Variants in OLAH observed in about 807,000 individuals in gnomAD.
The protein encoded by OLAH is oleoyl-ACP hydrolase, also known as S-acyl fatty acid synthase thioesterase, medium chain.
In OLAH, 33 loss-of-function variants were observed where a neutral mutation model predicts 27.8. The ratio of observed to expected loss-of-function variants is 1.19; its 90% CI spans 0.90 to 1.59. The LOEUF is 1.59. Among genes scored for constraint, OLAH ranks in the 40% most tolerant of loss-of-function variants. The pLI, the probability that OLAH is intolerant of heterozygous loss-of-function variation, is 0.00. For synonymous variants in OLAH, 120 were observed against 102.9 expected, an observed-to-expected ratio of 1.17 and a Z score of -1.01; for missense variants, 359 against 310.8, an observed-to-expected ratio of 1.16 and a Z score of -1.17.
At chr10:15,049,606 T>C (rs1264098008) in intron 2 of OLAH, 29 bp from the exon 3 acceptor site, 1 of 1,452,930 alleles carries the variant, frequency 6.9e-7, no homozygotes, top group Admixed American at 2.2e-5. Context: ...ATATACATAA[T>C]GTTAAATATA....
chr10:15,034,199 C>T (rs768798782), intron 1 of OLAH, among the ~76,000 whole-genome samples: 63 of 151,680 alleles, frequency 4.2e-4, no homozygotes, highest in Non-Finnish European at 8.2e-4. Flanking sequence ...CTGCAACCTC[C>T]GCCTCCCAGG....
chr10:15,045,762 G>A (rs1844004968), intron 1 of OLAH, among the ~76,000 whole-genome samples: 1 of 152,118 alleles, frequency 6.6e-6, no homozygotes. Context: ...GATCCAAGGA[G>A]CTCCTAGGAA....
intron 1 of OLAH, among the ~76,000 whole-genome samples, chr10:15,033,512 A>T (rs879888283): frequency 6.6e-6 from 1 of 152,072 alleles, no homozygotes; most frequent in Non-Finnish European, 1.5e-5. Context: ...GGAGGAGAAG[A>T]AAAAAGAAGA....
intron 3 of OLAH, among the ~76,000 whole-genome samples, chr10:15,054,084 GCT>G: frequency 6.8e-6 from 1 of 147,888 alleles, no homozygotes; most frequent in Non-Finnish European, 1.5e-5. Flanking sequence ...TGTCACCCAG[GCT>G]GAAGTTCAGT....
At chr10:15,045,622 G>A (rs1022582674) in intron 1 of OLAH, among the ~76,000 whole-genome samples, 20 of 152,092 alleles carry the variant, frequency 1.3e-4, no homozygotes, top group African/African-American at 4.8e-4. Flanking sequence ...ACATCTTTCT[G>A]TTCCTAAAAA....
chr10:15,040,153 A>T (rs1018065017), upstream of OLAH, among the ~76,000 whole-genome samples: 4 of 152,134 alleles, frequency 2.6e-5, no homozygotes, highest in African/African-American at 9.7e-5. Context: ...CAGAAAGTGG[A>T]GCCCTCTCCT....
chr10:15,037,123 C>T (rs1189057836), intron 1 of OLAH, among the ~76,000 whole-genome samples: 2 of 150,706 alleles, frequency 1.3e-5, no homozygotes, highest in South Asian at 2.1e-4. Flanking sequence ...GTCTTGAAAT[C>T]GGCTGGAGCA....
intron 3 of OLAH, 30 bp from the exon 4 acceptor site, chr10:15,061,694 G>A (rs757154534): frequency 8.3e-6 from 13 of 1,569,896 alleles, no homozygotes; most frequent in South Asian, 1.2e-5. Flanking sequence ...CACTGTCTGT[G>A]CGTGTTCACT....
In OLAH at chr10:15,065,713, C is replaced by A; in HGVS notation, c.532C>A (p.Pro178Thr). Residue 178 changes from proline to threonine, a missense_variant, in exon 6 of 8, where the codon CCC (proline) becomes ACC (threonine). Transcript: ENST00000378228. ...CAAGGAATTTGTGAAACAATGTAGTCCCATCATAAGGGCAGATCTGAACAT... is the reference window on the plus strand; with the variant it reads ...CAAGGAATTTGTGAAACAATGTAGTACCATCATAAGGGCAGATCTGAACAT... ...EAKEFVKQCS[P>T]IIRADLNIVR... The A allele has an allele frequency of 6.2e-7, 1 of 1,613,860 alleles. No homozygotes were observed. The highest frequency in any genetic ancestry group is 8.5e-7 in the Non-Finnish European group (1 of 1,179,932).
intron 3 of OLAH, among the ~76,000 whole-genome samples, chr10:15,059,107 C>T (rs1401962964): frequency 2.0e-5 from 1 of 50,338 alleles, no homozygotes; most frequent in African/African-American, 7.6e-5. Flanking sequence ...CTCCCTCTCT[C>T]CTTCCCTCCC....
chr10:15,052,867 T>C (rs1844173586), intron 3 of OLAH, among the ~76,000 whole-genome samples: 2 of 151,492 alleles, frequency 1.3e-5, no homozygotes, highest in African/African-American at 4.8e-5. Flanking sequence ...CTCAGCCTCC[T>C]GAGTAGTTGG....
At chr10:15,067,941 G>C (rs1412401828) in intron 6 of OLAH, 1 of 152,178 alleles carries the variant, frequency 6.6e-6, no homozygotes, top group African/African-American at 2.4e-5. Context: ...TATTGTTACT[G>C]TTCCTCCTCT....
intron 5 of OLAH, 144 bp from the exon 6 acceptor site, chr10:15,065,440 T>C (rs1564534170): frequency 1.3e-6 from 1 of 778,714 alleles, no homozygotes; most frequent in East Asian, 2.8e-5. Flanking sequence ...CAAAACGACA[T>C]AGTTCTTTCC....
intron 6 of OLAH, among the ~76,000 whole-genome samples, chr10:15,069,116 T>G (rs1257129064): frequency 6.6e-6 from 1 of 152,150 alleles, no homozygotes; most frequent in Non-Finnish European, 1.5e-5. Context: ...GACATCTAGA[T>G]AGTCTGAAGC....
chr10:15,057,510 C>T (rs909913483), intron 3 of OLAH, among the ~76,000 whole-genome samples: 4 of 151,470 alleles, frequency 2.6e-5, no homozygotes, highest in Middle Eastern at 3.4e-3. Flanking sequence ...CACAGCCTTC[C>T]GAGTAGCTGT....
At chr10:15,038,786 A>G (rs1467136626) in intron 1 of OLAH, 1 of 152,226 alleles carries the variant, frequency 6.6e-6, no homozygotes, top group Non-Finnish European at 1.5e-5. Context: ...CAGGGGAAAC[A>G]GCAGGGACGT....
intron 2 of OLAH, among the ~76,000 whole-genome samples, chr10:15,049,150 T>G (rs1428731538): frequency 7.1e-6 from 1 of 140,984 alleles, no homozygotes; most frequent in Non-Finnish European, 1.5e-5. Context: ...AAAAAAAAAT[T>G]AGAGGCAAGA....
intron 3 of OLAH, among the ~76,000 whole-genome samples, chr10:15,058,797 C>G (rs1436304346): frequency 6.6e-6 from 1 of 152,054 alleles, no homozygotes; most frequent in Non-Finnish European, 1.5e-5. Flanking sequence ...TTTTATGTGT[C>G]TAAAAAGTCT....
intron 1 of OLAH, among the ~76,000 whole-genome samples, chr10:15,036,453 C>T (rs774208708): frequency 7.2e-5 from 11 of 151,980 alleles, no homozygotes; most frequent in South Asian, 6.2e-4. Context: ...GCTGAGATTG[C>T]GCCATTGCAC....
Sources: allele counts gnomAD v4.1 joint callset (sites outside exome capture counted in the v4.1 genomes callset), GRCh38; gene constraint gnomAD v4.1.1; transcripts MANE v1.5; gene names NCBI Gene and HGNC (gene_info 2026-07-23, HGNC 2026-07-21).